Variants in HMGCS2 observed in about 807,000 individuals in gnomAD.
HMGCS2 encodes hydroxymethylglutaryl-CoA synthase, mitochondrial.
HMGCS2 carries 50 observed loss-of-function variants against 57.4 expected under a neutral mutation model. The observed-to-expected ratio is 0.87, with a 90% confidence interval of 0.69 to 1.10. The LOEUF (loss-of-function observed/expected upper bound fraction) is 1.10. HMGCS2 is among the 50% of genes least tolerant of loss of function. HMGCS2 has a pLI of 0.00. For synonymous variants in HMGCS2, 254 were observed against 245.1 expected, an observed-to-expected ratio of 1.04 and a Z score of -0.34; for missense variants, 627 against 636.5, an observed-to-expected ratio of 0.99 and a Z score of 0.16.
chr1:119,749,374 A>G (rs1190610423), intron 9 of HMGCS2, among the ~76,000 whole-genome samples: 1 of 142,996 alleles, frequency 7.0e-6, no homozygotes, highest in Non-Finnish European at 1.5e-5. Flanking sequence ...TCTCTCCCCA[A>G]CCTCTCTCTC....
Position 119,750,808 on chromosome 1 carries a change from G to T in HMGCS2, c.1521C>A (p.Pro507=). Residue 507 remains proline (P), a synonymous_variant, in exon 9 of 10, where the codon CCC becomes CCA. Coordinates refer to ENST00000369406, the MANE Select transcript of HMGCS2 (RefSeq NM_005518.4). ...AAACTCTCACTCACCACCTTTAGAC[G>T]GGACGCCGGGCATACTTTCGGCGAT... ...EQHRRKYARR[P]V 1 of 1,611,644 alleles carries T rather than the reference G, an allele frequency of 6.2e-7. No individual in the cohort carries two copies. Among genetic ancestry groups the T allele is most frequent in the Non-Finnish European group, 8.5e-7 (1 of 1,177,874 alleles).
chr1:119,756,367 A>T (rs1652838331), intron 5 of HMGCS2, among the ~76,000 whole-genome samples: 1 of 152,092 alleles, frequency 6.6e-6, no homozygotes, highest in Non-Finnish European at 1.5e-5. Context: ...TAATATCTTT[A>T]TATATTAAAG....
chr1:119,756,988 C>T (rs1652863355), intron 5 of HMGCS2, among the ~76,000 whole-genome samples: 1 of 152,174 alleles, frequency 6.6e-6, no homozygotes, highest in Admixed American at 6.5e-5. Context: ...CCCTTCCTCT[C>T]TTTCTCCCTT....
chr1:119,767,573 G>A (rs74115092), intron 1 of HMGCS2, among the ~76,000 whole-genome samples: 2 of 152,180 alleles, frequency 1.3e-5, no homozygotes, highest in African/African-American at 4.8e-5. Flanking sequence ...GAGCCAATGT[G>A]GGTTGGATTA....
intron 5 of HMGCS2, 74 bp from the exon 6 acceptor site, chr1:119,755,671 G>C: frequency 7.2e-7 from 1 of 1,398,214 alleles, no homozygotes; most frequent in Non-Finnish European, 1.0e-6. Flanking sequence ...AAAAGTAACA[G>C]CTTCTGGAGA....
chr1:119,767,682 TG>T (rs991707290), intron 1 of HMGCS2, among the ~76,000 whole-genome samples: 6 of 152,148 alleles, frequency 3.9e-5, no homozygotes, highest in Non-Finnish European at 8.8e-5. Flanking sequence ...AGAAGGGAAA[TG>T]GGAATGATTC....
chr1:119,764,000 T>C (rs1336364459), intron 2 of HMGCS2, among the ~76,000 whole-genome samples, 172 bp downstream of exon 2: 1 of 152,228 alleles, frequency 6.6e-6, no homozygotes, highest in Non-Finnish European at 1.5e-5. Context: ...GCTACCTAAC[T>C]GTAAAGCTAT....
At chr1:119,768,075 T>C (rs375200606) in intron 1 of HMGCS2, among the ~76,000 whole-genome samples, 51 of 152,250 alleles carry the variant, frequency 3.3e-4, no homozygotes, top group African/African-American at 9.9e-4. Context: ...CAATGTGTAG[T>C]GGATGGTTTG....
chr1:119,751,465 C>A (rs1652659153), intron 8 of HMGCS2, among the ~76,000 whole-genome samples: 1 of 151,174 alleles, frequency 6.6e-6, no homozygotes, highest in African/African-American at 2.4e-5. Context: ...CTCCTGGGTT[C>A]AAGTAATTCT....
chr1:119,755,660 GA>G, intron 5 of HMGCS2, 63 bp from the exon 6 acceptor site: 1 of 1,485,772 alleles, frequency 6.7e-7, no homozygotes. Flanking sequence ...GAGCAAGGGG[GA>G]AAAGTAACAG....
chr1:119,750,730 C>G (rs1652626363), intron 9 of HMGCS2, 67 bp downstream of exon 9: 1 of 1,008,804 alleles, frequency 9.9e-7, no homozygotes, highest in African/African-American at 1.6e-5. Context: ...CACCTTCTCT[C>G]TCTGTGTTGT....
At chr1:119,759,771 T>C in intron 3 of HMGCS2, 93 bp downstream of exon 3, 1 of 1,493,544 alleles carries the variant, frequency 6.7e-7, no homozygotes, top group Non-Finnish European at 9.3e-7. Context: ...AACGCATACC[T>C]CAGCCCTGAG....
intron 1 of HMGCS2, among the ~76,000 whole-genome samples, chr1:119,768,209 A>G (rs1301365961): frequency 6.6e-6 from 1 of 152,220 alleles, no homozygotes; most frequent in Admixed American, 6.5e-5. Flanking sequence ...TTTACAAAGA[A>G]AAGGAGTGTG....
At chr1:119,766,598 C>T (rs1395958360) in intron 1 of HMGCS2, among the ~76,000 whole-genome samples, 1 of 152,198 alleles carries the variant, frequency 6.6e-6, no homozygotes, top group Non-Finnish European at 1.5e-5. Context: ...TGACTCCCTC[C>T]AAATAACTGG....
chr1:119,751,064 T>C (rs890734336), intron 8 of HMGCS2, among the ~76,000 whole-genome samples, 156 bp from the exon 9 acceptor site: 1 of 152,162 alleles, frequency 6.6e-6, no homozygotes. Context: ...AATAGAACAC[T>C]GGACCCACAG....
intron 9 of HMGCS2, among the ~76,000 whole-genome samples, 197 bp from the exon 10 acceptor site, chr1:119,749,038 G>A (rs769841522): frequency 1.3e-5 from 2 of 152,284 alleles, no homozygotes; most frequent in East Asian, 3.9e-4. Flanking sequence ...CAAGGCTGGG[G>A]GTAGGCAGGG....
chr1:119,761,100 T>C (rs1490362645), intron 2 of HMGCS2, among the ~76,000 whole-genome samples: 1 of 148,408 alleles, frequency 6.7e-6, no homozygotes. Flanking sequence ...TATATAAATA[T>C]ACAAATAATT....
In HMGCS2 at chr1:119,768,854, A is replaced by T. The variant is rs1653328792; in HGVS notation, c.-10T>A. 1 of 1,603,958 alleles carries T rather than the reference A, an allele frequency of 6.2e-7. No homozygotes were observed. The stretch of plus-strand genomic sequence containing the variant: ...TCAACAGACGCTGCATCTCCAGAGG[A>T]GCAAGCAGAAACCCAGCAGTTCAGA... On this transcript the variant is annotated 5_prime_UTR_variant, in exon 1 of 10. Transcript: ENST00000369406.
chr1:119,763,832 C>A (rs587711735), intron 2 of HMGCS2, among the ~76,000 whole-genome samples: 1 of 152,090 alleles, frequency 6.6e-6, no homozygotes, highest in African/African-American at 2.4e-5. Context: ...GAAACAGGTA[C>A]GGTAAAATAG....
Sources: gnomAD v4.1 joint callset for allele counts (sites outside exome capture counted in the v4.1 genomes callset) on GRCh38, gnomAD v4.1.1 for gene constraint, MANE v1.5 for transcripts, NCBI Gene and HGNC (gene_info 2026-07-23, HGNC 2026-07-21) for gene names.